Variants in XKR4 observed in about 807,000 individuals in gnomAD.
XKR4 encodes the protein XK-related protein 4.
Under a neutral mutation model 53.9 loss-of-function variants are expected in XKR4, and 12 were observed. The ratio of observed to expected loss-of-function variants is 0.22; its 90% CI spans 0.14 to 0.36. XKR4 has a LOEUF of 0.36. Among genes scored for constraint, XKR4 ranks in the 10% least tolerant of loss-of-function variants. XKR4 has a pLI of 1.00. For synonymous variants in XKR4, 354 were observed against 362.4 expected (o/e 0.98, Z 0.26); for missense variants, 799 against 859.5 (o/e 0.93, Z 0.88).
At chr8:55,119,160 G>T (rs1447916426) in intron 1 of XKR4, among the ~76,000 whole-genome samples, 1 of 152,146 alleles carries the variant, frequency 6.6e-6, no homozygotes, top group Non-Finnish European at 1.5e-5. Flanking sequence ...CTGACTTCAA[G>T]GAATTCACTG....
At chr8:55,183,156 A>T in intron 1 of XKR4, among the ~76,000 whole-genome samples, 1 of 151,702 alleles carries the variant, frequency 6.6e-6, no homozygotes. Flanking sequence ...AATTTTATTG[A>T]TCTAAGAATC....
At chr8:55,163,220 G>T (rs1203252091) in intron 1 of XKR4, among the ~76,000 whole-genome samples, 6 of 152,170 alleles carry the variant, frequency 3.9e-5, no homozygotes, top group African/African-American at 1.2e-4. Context: ...CTGTTAACAT[G>T]AAGATAACCC....
At chr8:55,406,949 T>C (rs1256396396) in intron 2 of XKR4, among the ~76,000 whole-genome samples, 1 of 152,214 alleles carries the variant, frequency 6.6e-6, no homozygotes, top group East Asian at 1.9e-4. Flanking sequence ...AACTATCCAA[T>C]ACCTTATAGG....
intron 2 of XKR4, among the ~76,000 whole-genome samples, chr8:55,399,571 C>T (rs761381853): frequency 6.6e-6 from 1 of 152,192 alleles, no homozygotes; most frequent in Admixed American, 6.5e-5. Context: ...TGTGGAAATG[C>T]ACTAGAAACC....
At chr8:55,503,470 T>C (rs1806476293) in intron 2 of XKR4, among the ~76,000 whole-genome samples, 1 of 152,192 alleles carries the variant, frequency 6.6e-6, no homozygotes, top group Non-Finnish European at 1.5e-5. Context: ...CTTAATTTCC[T>C]TTTCATGTTT....
intron 1 of XKR4, among the ~76,000 whole-genome samples, chr8:55,311,576 AAC>A (rs1317485799): frequency 6.6e-6 from 1 of 152,148 alleles, no homozygotes; most frequent in Non-Finnish European, 1.5e-5. Flanking sequence ...CTTAGGGTCT[AAC>A]ACAGTTTGTT....
intron 1 of XKR4, among the ~76,000 whole-genome samples, chr8:55,351,721 C>A (rs1421164768): frequency 6.6e-6 from 1 of 152,190 alleles, no homozygotes; most frequent in South Asian, 2.1e-4. Flanking sequence ...CACTGGCCCC[C>A]CTGATCAAAG....
At chr8:55,148,336 C>T (rs138984208) in intron 1 of XKR4, among the ~76,000 whole-genome samples, 30 of 151,986 alleles carry the variant, frequency 2.0e-4, no homozygotes, top group Non-Finnish European at 2.9e-4. Flanking sequence ...ACCCAGGAGG[C>T]GGAGGTTGCA....
intron 1 of XKR4, among the ~76,000 whole-genome samples, chr8:55,284,624 G>A (rs1436144535): frequency 1.3e-5 from 2 of 152,172 alleles, no homozygotes; most frequent in East Asian, 1.9e-4. Context: ...TTGAGAGAGA[G>A]AGAGCCCAAT....
At chr8:55,247,855 C>CTTTCTTTCTTTCTTTCTTTCTTTCCTT (rs369983175) in intron 1 of XKR4, among the ~76,000 whole-genome samples, 1 of 59,856 alleles carries the variant, frequency 1.7e-5, no homozygotes, top group Non-Finnish European at 4.5e-5. Flanking sequence ...TTCTTTCTTT[C>CTTTCTTTCTTTCTTTCTTTCTTTCCTT]TTTTTTTTTT....
chr8:55,523,806 C>G lies in XKR4; in HGVS notation c.1532C>G (p.Ala511Gly). Residue 511 changes from alanine (A) to glycine (G), a missense_variant, in exon 3 of 3, where the codon GCC (alanine) becomes GGC (glycine). Transcript: ENST00000327381. ...GTTGTTTTTATGCTGATGTATTATG[C>G]CTTCTTTCATCCCAATGGACCCAGA... ...TGVVFMLMYY[A>G]FFHPNGPRFG... 6.2e-7 allele frequency: 1 copy of G among 1,614,180 alleles called. No homozygotes were observed. The highest frequency in any genetic ancestry group is 8.5e-7 in the Non-Finnish European group (1 of 1,180,038).
chr8:55,275,066 CAGA>C (rs1241490243), intron 1 of XKR4, among the ~76,000 whole-genome samples: 1 of 151,964 alleles, frequency 6.6e-6, no homozygotes, highest in African/African-American at 2.4e-5. Flanking sequence ...ATGTATTTTG[CAGA>C]AGATTATTCC....
intron 1 of XKR4, among the ~76,000 whole-genome samples, chr8:55,173,496 C>CT (rs1297655064): frequency 2.6e-5 from 4 of 152,182 alleles, no homozygotes; most frequent in African/African-American, 9.7e-5. Context: ...CTGTTTCATG[C>CT]TTTACACCTT....
intron 1 of XKR4, among the ~76,000 whole-genome samples, chr8:55,283,469 C>T (rs974919527): frequency 6.6e-6 from 1 of 152,176 alleles, no homozygotes; most frequent in Non-Finnish European, 1.5e-5. Context: ...ATGTAGATGA[C>T]AAATTCCTTA....
intron 2 of XKR4, among the ~76,000 whole-genome samples, chr8:55,467,600 C>A (rs1032545128): frequency 6.6e-6 from 1 of 152,092 alleles, no homozygotes; most frequent in Non-Finnish European, 1.5e-5. Context: ...TTCTGAAGAA[C>A]GTTTATACTC....
At chr8:55,350,010 GTACACACACACACA>G (rs1429798907) in intron 1 of XKR4, among the ~76,000 whole-genome samples, 1 of 151,890 alleles carries the variant, frequency 6.6e-6, no homozygotes, top group Non-Finnish European at 1.5e-5. Flanking sequence ...TATTCTGTGT[GTACACACACACACA>G]TACACACACA....
At chr8:55,145,747 G>A (rs1049455553) in intron 1 of XKR4, among the ~76,000 whole-genome samples, 2 of 152,218 alleles carry the variant, frequency 1.3e-5, no homozygotes, top group Non-Finnish European at 2.9e-5. Flanking sequence ...GCTCATGAAA[G>A]TACATTTCTA....
At position 55,357,813 on chromosome 8, in the gene XKR4, T is replaced by C; in HGVS notation, c.942T>C (p.Ser314=). 1.2e-6 allele frequency: 2 copies of C among 1,614,190 alleles called. No individual in the cohort carries two copies. The highest frequency in any genetic ancestry group is 1.7e-6 in the Non-Finnish European group (2 of 1,180,016). Residue 314 remains serine (S), a synonymous_variant, in exon 2 of 3, where the codon AGT becomes AGC. Transcript: ENST00000327381. Reference sequence around the variant, plus strand: ...ATTTGCTAGCCACCTTTCTGGAAAGTGCTCCACAGCTGGTCCTGCAGCTCT... The same window carrying C: ...ATTTGCTAGCCACCTTTCTGGAAAGCGCTCCACAGCTGGTCCTGCAGCTCT... ...MLHLLATFLE[S]APQLVLQLCI... is the part of the protein sequence containing the mutation.
intron 1 of XKR4, among the ~76,000 whole-genome samples, chr8:55,201,813 C>A (rs1290593726): frequency 6.6e-6 from 1 of 152,152 alleles, no homozygotes; most frequent in Non-Finnish European, 1.5e-5. Context: ...ATTGGTACAG[C>A]CTCTTGTTGC....
Sources: allele counts gnomAD v4.1 joint callset (sites outside exome capture counted in the v4.1 genomes callset), GRCh38; gene constraint gnomAD v4.1.1; transcripts MANE v1.5; gene names NCBI Gene and HGNC (gene_info 2026-07-23, HGNC 2026-07-21).